The following ALOX5AP variants were observed in gnomAD, a reference collection of about 807,000 sequenced individuals.
ALOX5AP encodes arachidonate 5-lipoxygenase activating protein.
A neutral mutation model predicts 18.5 loss-of-function variants in ALOX5AP; 9 were observed. That is an observed-to-expected ratio of 0.49 (90% confidence interval 0.29 to 0.85). The LOEUF (loss-of-function observed/expected upper bound fraction) is 0.85, where lower values mean the gene tolerates loss of function less well. Among genes scored for constraint, ALOX5AP ranks in the 40% least tolerant of loss-of-function variants. The pLI, the probability that ALOX5AP is intolerant of heterozygous loss-of-function variation, is 0.08. For synonymous variants in ALOX5AP, 81 were observed against 78.6 expected, an observed-to-expected ratio of 1.03 and a Z score of -0.16; for missense variants, 172 against 202.5, an observed-to-expected ratio of 0.85 and a Z score of 0.91.
chr13:30,746,527 A>G (rs1010363272), intron 2 of ALOX5AP, among the ~76,000 whole-genome samples: 7 of 151,248 alleles, frequency 4.6e-5, no homozygotes, highest in Non-Finnish European at 8.9e-5. Context: ...GTCAAAGATC[A>G]ATGCAGCAGG....
intron 2 of ALOX5AP, among the ~76,000 whole-genome samples, chr13:30,748,276 C>T (rs1422402236): frequency 1.3e-5 from 2 of 152,088 alleles, no homozygotes; most frequent in Non-Finnish European, 2.9e-5. Flanking sequence ...GATAGGTCTA[C>T]AATGATCCTG....
chr13:30,744,201 G>A (rs1386807143), intron 2 of ALOX5AP, 42 bp downstream of exon 2: 1 of 1,569,078 alleles, frequency 6.4e-7, no homozygotes, highest in Non-Finnish European at 8.8e-7. Context: ...GGGGGCATGG[G>A]CAGGGGGGCC....
chr13:30,762,289 G>A (rs962234853), intron 4 of ALOX5AP, among the ~76,000 whole-genome samples: 4 of 152,174 alleles, frequency 2.6e-5, no homozygotes, highest in African/African-American at 7.2e-5. Context: ...GACTCCTGCT[G>A]TAGAAAAATT....
chr13:30,752,747 A>G (rs1484530282), intron 3 of ALOX5AP, among the ~76,000 whole-genome samples: 1 of 152,186 alleles, frequency 6.6e-6, no homozygotes, highest in Non-Finnish European at 1.5e-5. Flanking sequence ...GTGGCCCTGG[A>G]GGGCACAGGC....
upstream of ALOX5AP, among the ~76,000 whole-genome samples, chr13:30,734,580 C>T (rs1020286746): frequency 9.8e-5 from 15 of 152,352 alleles, no homozygotes; most frequent in African/African-American, 3.4e-4. Context: ...AGCCACCTCA[C>T]CCACCCAGCA....
chr13:30,752,442 G>A (rs940241738), intron 3 of ALOX5AP, among the ~76,000 whole-genome samples: 6 of 152,206 alleles, frequency 3.9e-5, no homozygotes, highest in African/African-American at 1.4e-4. Flanking sequence ...ATAAATGAGA[G>A]TGCCTGAGGG....
exon 1 of ALOX5AP, chr13:30,713,813 C>T: frequency 1.3e-6 from 2 of 1,535,354 alleles, no homozygotes; most frequent in Middle Eastern, 3.3e-4. Context: ...CACCTTGGGG[C>T]ACATTGGGAA....
chr13:30,730,238 C>T (rs1173183183), intron 1 of ALOX5AP, among the ~76,000 whole-genome samples: 1 of 152,208 alleles, frequency 6.6e-6, no homozygotes, highest in Admixed American at 6.5e-5. Flanking sequence ...CATGAGGATT[C>T]ATCTCAATTT....
intron 2 of ALOX5AP, among the ~76,000 whole-genome samples, chr13:30,748,483 T>C (rs1002203937): frequency 4.6e-5 from 7 of 152,306 alleles, no homozygotes; most frequent in African/African-American, 1.7e-4. Context: ...AAGTTGAACA[T>C]ACCACAGCAA....
intron 1 of ALOX5AP, among the ~76,000 whole-genome samples, chr13:30,718,195 G>T (rs1394265702): frequency 6.6e-6 from 1 of 151,700 alleles, no homozygotes; most frequent in East Asian, 1.9e-4. Flanking sequence ...CTGACCTCAG[G>T]TGATCCACTT....
chr13:30,743,714 G>T (rs1313788792), intron 1 of ALOX5AP, among the ~76,000 whole-genome samples: 1 of 152,014 alleles, frequency 6.6e-6, no homozygotes, highest in Non-Finnish European at 1.5e-5. Flanking sequence ...ATGGAATTAA[G>T]TTGCCTCCTT....
At chr13:30,747,158 C>A (rs548417190) in intron 2 of ALOX5AP, among the ~76,000 whole-genome samples, 11 of 152,178 alleles carry the variant, frequency 7.2e-5, no homozygotes, top group African/African-American at 2.7e-4. Context: ...ACTCTGTTCA[C>A]GTGTATATTT....
At chr13:30,714,045 A>G (rs1015783533) in intron 1 of ALOX5AP, among the ~76,000 whole-genome samples, 1 of 152,192 alleles carries the variant, frequency 6.6e-6, no homozygotes, top group African/African-American at 2.4e-5. Context: ...ATTTTATTCC[A>G]TAAATCTGAA....
At position 30,764,245 on chromosome 13, in the gene ALOX5AP, C is replaced by G; in HGVS notation, c.*139C>G. On this transcript the variant is annotated 3_prime_UTR_variant, in exon 5 of 5. Coordinates refer to ENST00000380490, the MANE Select transcript of ALOX5AP (RefSeq NM_001629.4). ...ATCTGGGCTTCACAGCTTGAGTTAACCTTGCTTTTCCGGGAACAAAATGAT... is the reference window on the plus strand; with the variant it reads ...ATCTGGGCTTCACAGCTTGAGTTAAGCTTGCTTTTCCGGGAACAAAATGAT... 1.0e-6 allele frequency: 1 copy of G among 967,202 alleles called. No individual in the cohort carries two copies. Among genetic ancestry groups the G allele is most frequent in the Admixed American group, 3.2e-5 (1 of 30,828 alleles). 59.9% of individuals were successfully genotyped at this position (967,202 alleles called of 1,614,324 possible). A position where few individuals can be genotyped will look rare whatever the true frequency, so the allele number is the denominator to read the frequency against.
intron 1 of ALOX5AP, among the ~76,000 whole-genome samples, chr13:30,726,226 G>T (rs977849955): frequency 6.6e-6 from 1 of 152,184 alleles, no homozygotes; most frequent in Admixed American, 6.5e-5. Context: ...CACAAGCAAG[G>T]AAGGGGGTTC....
chr13:30,760,370 A>T (rs1951931601), intron 4 of ALOX5AP, among the ~76,000 whole-genome samples: 1 of 152,124 alleles, frequency 6.6e-6, no homozygotes. Flanking sequence ...TGCTGGGATT[A>T]TAGGCATGAG....
At chr13:30,718,406 T>C (rs1951566963) in intron 1 of ALOX5AP, among the ~76,000 whole-genome samples, 1 of 145,900 alleles carries the variant, frequency 6.9e-6, no homozygotes. Context: ...TATATATATA[T>C]GCATATCTAT....
chr13:30,713,866 G>C, intron 1 of ALOX5AP: 1 of 1,437,418 alleles, frequency 7.0e-7, no homozygotes. Context: ...GCGCGCACAC[G>C]CGCATGTGTG....
At chr13:30,735,113 C>T (rs1211680684), upstream of ALOX5AP, among the ~76,000 whole-genome samples, 3 of 152,050 alleles carry the variant, frequency 2.0e-5, no homozygotes, top group Non-Finnish European at 4.4e-5. Flanking sequence ...TGGGCCCAAG[C>T]AATCTTCCCA....
Sources: gnomAD v4.1 joint callset for allele counts (sites outside exome capture counted in the v4.1 genomes callset) on GRCh38, gnomAD v4.1.1 for gene constraint, MANE v1.5 for transcripts, NCBI Gene and HGNC (gene_info 2026-07-23, HGNC 2026-07-21) for gene names.